The following PPP2R2B variants were observed in gnomAD, a reference collection of about 807,000 sequenced individuals.
The protein encoded by PPP2R2B is serine/threonine-protein phosphatase 2A 55 kDa regulatory subunit B beta isoform.
PPP2R2B carries 5 observed loss-of-function variants against 46.0 expected under a neutral mutation model. The ratio of observed to expected loss-of-function variants is 0.11; its 90% CI spans 0.06 to 0.23. The LOEUF is 0.23. PPP2R2B is among the 10% of genes least tolerant of loss of function. The pLI is 1.00. For synonymous variants in PPP2R2B, 215 were observed against 206.7 expected, an observed-to-expected ratio of 1.04 and a Z score of -0.34; for missense variants, 367 against 575.0, an observed-to-expected ratio of 0.64 and a Z score of 3.70.
At chr5:146,834,284 AGAG>A (rs1397579584) in intron 2 of PPP2R2B, among the ~76,000 whole-genome samples, 1 of 152,176 alleles carries the variant, frequency 6.6e-6, no homozygotes, top group Non-Finnish European at 1.5e-5. Context: ...TGTTTTATGT[AGAG>A]GAGAACAATG....
In PPP2R2B at chr5:147,074,173, T is replaced by C. The variant is rs1311607521; in HGVS notation, c.50+6886A>G. Among the ~76,000 whole-genome samples, 5 of 152,182 alleles carry C rather than the reference T, an allele frequency of 3.3e-5. No individual in the cohort carries two copies. The East Asian group carries it at 9.6e-4, about 29-fold the overall frequency. ...TTTAACACCATTCCCAGGGGATTCA[T>C]ATGCACAATAAGGTTGGAAAATTAT... On this transcript the variant is annotated intron_variant, in intron 2 of 10. Transcript: ENST00000394413.
intron 2 of PPP2R2B, among the ~76,000 whole-genome samples, chr5:146,783,667 C>T (rs1387426505): frequency 6.6e-6 from 1 of 152,166 alleles, no homozygotes; most frequent in African/African-American, 2.4e-5. Flanking sequence ...GAGGTGGATG[C>T]TTGTCTTTGC....
chr5:146,851,709 A>G (rs1005053659), intron 2 of PPP2R2B, among the ~76,000 whole-genome samples: 3 of 152,170 alleles, frequency 2.0e-5, no homozygotes, highest in South Asian at 2.1e-4. Context: ...AGGAGTCACT[A>G]TAACACCTCA....
chr5:146,741,726 T>G (rs939202820), intron 2 of PPP2R2B, among the ~76,000 whole-genome samples: 2 of 152,226 alleles, frequency 1.3e-5, no homozygotes, highest in Admixed American at 6.5e-5. Flanking sequence ...ATTCTGATAC[T>G]GACAGTACAC....
intron 2 of PPP2R2B, among the ~76,000 whole-genome samples, chr5:147,073,520 TCTC>T (rs1165642740): frequency 2.6e-5 from 4 of 152,126 alleles, no homozygotes; most frequent in Non-Finnish European, 5.9e-5. Flanking sequence ...AGAGAAGAGA[TCTC>T]CACTTCTTTT....
At chr5:146,813,625 T>C (rs1757759428) in intron 2 of PPP2R2B, among the ~76,000 whole-genome samples, 2 of 152,182 alleles carry the variant, frequency 1.3e-5, no homozygotes, top group South Asian at 4.1e-4. Flanking sequence ...ATAAAACACC[T>C]CCTTTTTAAG....
intron 1 of PPP2R2B, among the ~76,000 whole-genome samples, chr5:146,953,384 A>C (rs1751718393): frequency 6.6e-6 from 1 of 152,180 alleles, no homozygotes; most frequent in Non-Finnish European, 1.5e-5. Flanking sequence ...TAATTTTATC[A>C]TCCAGGGCAC....
intron 9 of PPP2R2B, among the ~76,000 whole-genome samples, chr5:146,591,413 T>C (rs1271646213): frequency 6.6e-6 from 1 of 152,178 alleles, no homozygotes; most frequent in African/African-American, 2.4e-5. Flanking sequence ...TGGACTGTTA[T>C]CACCTTGTCA....
At chr5:146,677,453 C>T (rs781593044) in intron 5 of PPP2R2B, among the ~76,000 whole-genome samples, 1 of 151,876 alleles carries the variant, frequency 6.6e-6, no homozygotes, top group Non-Finnish European at 1.5e-5. Flanking sequence ...GTTTGCGGTT[C>T]AGGATTGCTT....
chr5:146,719,726 T>C (rs2151192106), intron 2 of PPP2R2B, among the ~76,000 whole-genome samples: 1 of 149,854 alleles, frequency 6.7e-6, no homozygotes, highest in East Asian at 1.9e-4. Context: ...GACAAGCAGA[T>C]TTATTTTATT....
At chr5:146,727,443 T>C (rs1330119021) in intron 2 of PPP2R2B, among the ~76,000 whole-genome samples, 1 of 152,170 alleles carries the variant, frequency 6.6e-6, no homozygotes, top group African/African-American at 2.4e-5. Flanking sequence ...TATCACCTCA[T>C]ATTTATCACT....
At chr5:146,692,312 C>T (rs1778901077) in intron 4 of PPP2R2B, among the ~76,000 whole-genome samples, 1 of 152,114 alleles carries the variant, frequency 6.6e-6, no homozygotes. Flanking sequence ...CAGCTGGAAA[C>T]TACCTTTCTC....
intron 1 of PPP2R2B, among the ~76,000 whole-genome samples, chr5:147,011,517 T>C (rs796897746): frequency 5.9e-5 from 9 of 152,264 alleles, no homozygotes; most frequent in African/African-American, 2.2e-4. Flanking sequence ...AAGGAATATA[T>C]AAAACAAAAT....
intron 2 of PPP2R2B, among the ~76,000 whole-genome samples, chr5:147,078,705 G>A (rs1003697075): frequency 2.0e-5 from 3 of 152,004 alleles, no homozygotes; most frequent in Middle Eastern, 3.4e-3. Flanking sequence ...CTACTTGGGA[G>A]GCTGAGGCAG....
chr5:146,864,396 C>CAAAAAAAAAAAAA (rs34780019), intron 2 of PPP2R2B, among the ~76,000 whole-genome samples: 1 of 31,320 alleles, frequency 3.2e-5, no homozygotes, highest in African/African-American at 1.3e-4. Flanking sequence ...TAGTATTAAC[C>CAAAAAAAAAAAAA]AAAAAAAAAA....
intron 1 of PPP2R2B, among the ~76,000 whole-genome samples, chr5:147,004,623 T>A (rs1231221432): frequency 6.6e-6 from 1 of 152,194 alleles, no homozygotes. Context: ...TTATTAGGGA[T>A]ATATTAGCCA....
At chr5:147,006,570 A>G (rs1368541394) in intron 1 of PPP2R2B, among the ~76,000 whole-genome samples, 2 of 152,184 alleles carry the variant, frequency 1.3e-5, no homozygotes, top group Non-Finnish European at 1.5e-5. Flanking sequence ...AGAAACCAGA[A>G]TAGCAGGTTT....
At chr5:147,080,444 C>G (rs139733715) in intron 2 of PPP2R2B, among the ~76,000 whole-genome samples, 2 of 152,006 alleles carry the variant, frequency 1.3e-5, no homozygotes, top group East Asian at 3.9e-4. Flanking sequence ...TGTTTTGTAA[C>G]GCAGACACCC....
intron 2 of PPP2R2B, among the ~76,000 whole-genome samples, chr5:146,868,439 T>A (rs1761433956): frequency 6.6e-6 from 1 of 152,170 alleles, no homozygotes; most frequent in Non-Finnish European, 1.5e-5. Context: ...TCAGAACATA[T>A]CAAAGAGACC....
Sources: gnomAD v4.1 joint callset for allele counts (sites outside exome capture counted in the v4.1 genomes callset) on GRCh38, gnomAD v4.1.1 for gene constraint, MANE v1.5 for transcripts, NCBI Gene and HGNC (gene_info 2026-07-23, HGNC 2026-07-21) for gene names.